Variants in GPN2 observed in about 807,000 individuals in gnomAD.
GPN2 encodes GPN-loop GTPase 2, also known as ATP-binding domain 1 family member B.
Under a neutral mutation model 30.1 loss-of-function variants are expected in GPN2, and 27 were observed. The ratio of observed to expected loss-of-function variants is 0.90; its 90% confidence interval spans 0.66 to 1.24. GPN2 has a LOEUF of 1.24. Ranked by LOEUF, GPN2 falls within the 50% of genes most tolerant of loss-of-function variation. The pLI is 0.00. For synonymous variants in GPN2, 212 were observed against 174.4 expected, an observed-to-expected ratio of 1.22 and a Z score of -1.70; for missense variants, 406 against 405.4, an observed-to-expected ratio of 1.00 and a Z score of -0.01.
In GPN2 at chr1:26,890,073, C is replaced by A; in HGVS notation, c.24G>T (p.Thr8=). 6.4e-7 allele frequency: 1 copy of A among 1,559,712 alleles called. No individual in the cohort carries two copies. Among genetic ancestry groups the A allele is most frequent in the Non-Finnish European group, 8.6e-7 (1 of 1,158,066 alleles). Residue 8 remains threonine, a synonymous_variant, in exon 1 of 5, where the codon ACG becomes ACT. Transcript: ENST00000374135. ...GGCCGATCACCGCCTGCCCGAAGGC[C>A]GTGGTCGGAGCGGCCCCTGCCATTG... MAGAAPT[T]AFGQAVIGPP... is the part of the protein sequence containing the mutation.
intron 3 of GPN2, among the ~76,000 whole-genome samples, chr1:26,885,515 G>A (rs1424505025): frequency 1.3e-5 from 2 of 151,338 alleles, no homozygotes; most frequent in Admixed American, 1.3e-4. Flanking sequence ...TGCCCCTACA[G>A]CAGCCCCTGG....
At chr1:26,884,797 C>T (rs941855064) in intron 3 of GPN2, among the ~76,000 whole-genome samples, 2 of 152,180 alleles carry the variant, frequency 1.3e-5, no homozygotes, top group Non-Finnish European at 2.9e-5. Context: ...GCCTGGCCAA[C>T]ATGGTGAAAC....
intron 4 of GPN2, among the ~76,000 whole-genome samples, 165 bp from the exon 5 acceptor site, chr1:26,879,914 C>T (rs1392891984): frequency 6.6e-6 from 1 of 152,208 alleles, no homozygotes; most frequent in African/African-American, 2.4e-5. Context: ...AACACCCAGA[C>T]TCAAATGCTC....
Position 26,884,203 on chromosome 1 carries a change from C to G in GPN2, c.817G>C (p.Ala273Pro). The G allele has an allele frequency of 6.2e-7, 1 of 1,614,032 alleles. No homozygotes were observed. Among genetic ancestry groups the G allele is most frequent in the Non-Finnish European group, 8.5e-7 (1 of 1,179,984 alleles). ...GCTCCCATTGCGGCAGACATCATGG[C>G]TTCCAAGCTTCGCTGCTCTTGGGCT... is the stretch of plus-strand genomic sequence containing the variant. ...FRAQEQRSLEAMMSAAMGADF... is the reference protein window; with the variant it reads ...FRAQEQRSLEPMMSAAMGADF... Residue 273 changes from alanine to proline, a missense_variant, in exon 4 of 5, where the codon GCC becomes CCC. Transcript: ENST00000374135.
In GPN2 at chr1:26,877,068, T is replaced by A. The variant is rs537878931; in HGVS notation, c.*2609A>T. 1 of 152,242 alleles carries A rather than the reference T, an allele frequency of 6.6e-6. No individual in the cohort carries two copies. The highest frequency in any genetic ancestry group is 1.5e-5 in the Non-Finnish European group (1 of 68,058). The allele number at this position is 152,242 out of a possible 1,614,324, so 9.4% of individuals were successfully genotyped here. A position where few individuals can be genotyped will look rare whatever the true frequency, so the allele number is the denominator to read the frequency against. ...CCAGTAGCCTGGGCGTCAGGATTCC[T>A]GGGCTCTAGGCCCCACAGGTGATTC... On this transcript the variant is annotated 3_prime_UTR_variant, in exon 5 of 5. Coordinates refer to ENST00000374135, the MANE Select transcript of GPN2 (RefSeq NM_018066.4).
At chr1:26,886,405 C>G (rs1279206748) in intron 2 of GPN2, 7 of 514,202 alleles carry the variant, frequency 1.4e-5, no homozygotes, top group Non-Finnish European at 2.6e-5. Flanking sequence ...TGATCAATAA[C>G]TGCAAACAGG....
At chr1:26,883,415 A>G (rs905003527) in intron 4 of GPN2, among the ~76,000 whole-genome samples, 6 of 152,146 alleles carry the variant, frequency 3.9e-5, no homozygotes, top group Admixed American at 1.3e-4. Context: ...TGTCCTCAGT[A>G]CAACCAACTC....
intron 2 of GPN2, among the ~76,000 whole-genome samples, chr1:26,887,919 C>T (rs1421322281): frequency 2.0e-5 from 3 of 149,808 alleles, no homozygotes; most frequent in Admixed American, 1.3e-4. Flanking sequence ...AGTGCAATGG[C>T]GAGATCTCGG....
chr1:26,880,121 T>C (rs17162324), intron 4 of GPN2, among the ~76,000 whole-genome samples: 3,300 of 152,284 alleles, frequency 0.022, 130 homozygotes, highest in African/African-American at 0.074. Flanking sequence ...ATGGCTGTTG[T>C]ACTACCAGAT....
At position 26,876,532 on chromosome 1, in the gene GPN2, C is replaced by G. The variant is rs553202670; in HGVS notation, c.*3145G>C. Reference sequence around the variant, plus strand: ...CGTGCTCGGCCTTCTCTTTCATTTTCTAAGTTTTTTACTTTCCTATATTTA... The same window carrying G: ...CGTGCTCGGCCTTCTCTTTCATTTTGTAAGTTTTTTACTTTCCTATATTTA... On this transcript the variant is annotated 3_prime_UTR_variant, in exon 5 of 5. Transcript: ENST00000374135. 2.0e-5 allele frequency: 3 copies of G among 152,250 alleles called. No individual in the cohort carries two copies. The highest frequency in any genetic ancestry group is 7.2e-5 in the African/African-American group (3 of 41,554). The allele number at this position is 152,250 out of a possible 1,614,324, so 9.4% of individuals were successfully genotyped here. A position where few individuals can be genotyped will look rare whatever the true frequency, so the allele number is the denominator to read the frequency against.
At chr1:26,888,246 A>C (rs1421010134) in intron 2 of GPN2, among the ~76,000 whole-genome samples, 1 of 151,656 alleles carries the variant, frequency 6.6e-6, no homozygotes, top group Non-Finnish European at 1.5e-5. Context: ...TTCTACCTCA[A>C]TCTTCCCTAT....
At chr1:26,880,827 A>ATATAC (rs71007900) in intron 4 of GPN2, among the ~76,000 whole-genome samples, 20,446 of 152,186 alleles carry the variant, frequency 0.13, 1,469 homozygotes, top group Non-Finnish European at 0.16. Flanking sequence ...ATGCCTTTGC[A>ATATAC]TGTTCTCTTA....
rs780219763 is a variant in GPN2 at position 26,886,122 on chromosome 1, C to A, written c.580G>T (p.Asp194Tyr). ...AGGTCCAGAACCTCTGTGTAGTAGT[C>A]CAGGTTGAAGGCTAAAGAGAGAAAC... The part of the protein sequence containing the change: ...EHYGKLAFNL[D>Y]YYTEVLDLSY... The change falls in exon 3 of 5, where the codon GAC becomes TAC. Residue 194 changes from aspartate to tyrosine, a missense_variant. Physicochemically the swap from Asp to Tyr is radical, Grantham distance 160 (BLOSUM62 -3). Coordinates refer to ENST00000374135, the MANE Select transcript of GPN2 (RefSeq NM_018066.4). 1.1e-5 allele frequency: 18 copies of A among 1,613,220 alleles called. No individual in the cohort carries two copies. Among genetic ancestry groups the A allele is most frequent in the Non-Finnish European group, 1.3e-5 (15 of 1,179,422 alleles).
chr1:26,883,258 G>A (rs543270279), intron 4 of GPN2, among the ~76,000 whole-genome samples: 2 of 152,238 alleles, frequency 1.3e-5, no homozygotes, highest in East Asian at 3.9e-4. Flanking sequence ...CCCCTCCCTC[G>A]GCAGCCCTGC....
At position 26,886,049 on chromosome 1, in the gene GPN2, T is replaced by C. The variant is rs1570693336; in HGVS notation, c.653A>G (p.Tyr218Cys). ...HLASDPFFRH[Y>C]RQLNEKLVQL... ...CACTAGCTTCTCATTGAGCTGGCGG[T>C]AGTGGCGGAAGAAAGGGTCAGAAGC... Residue 218 changes from tyrosine to cysteine, a missense_variant, in exon 3 of 5, where the codon TAC (tyrosine) becomes TGC (cysteine). By Grantham distance (194) the Tyr-to-Cys change is radical. Coordinates refer to ENST00000374135, the MANE Select transcript of GPN2 (RefSeq NM_018066.4). 1 of 1,613,222 alleles carries C rather than the reference T, an allele frequency of 6.2e-7. No individual in the cohort carries two copies. The highest frequency in any genetic ancestry group is 8.5e-7 in the Non-Finnish European group (1 of 1,179,320).
chr1:26,887,270 T>A (rs920392062), intron 2 of GPN2, among the ~76,000 whole-genome samples: 5 of 152,172 alleles, frequency 3.3e-5, no homozygotes, highest in African/African-American at 9.7e-5. Context: ...GTTTTATAAA[T>A]CATTTCTCAC....
chr1:26,881,650 T>C (rs2081865102), intron 4 of GPN2, among the ~76,000 whole-genome samples: 1 of 152,224 alleles, frequency 6.6e-6, no homozygotes, highest in African/African-American at 2.4e-5. Context: ...GGAGGATCAC[T>C]TGAGCCCAGG....
rs1329615187 is a variant in GPN2, at chr1:26,878,261, ATAAT to A, written c.*1412_*1415del. On this transcript the variant is annotated 3_prime_UTR_variant, in exon 5 of 5. Transcript: ENST00000374135. ...ACTCTCATAGGAACTGCCATATTAT[ATAAT>A]TAATATTTTTCTTTACACAACTTAC... is the stretch of plus-strand genomic sequence containing the variant. The A allele has an allele frequency of 2.0e-5, 3 of 152,086 alleles. No individual in the cohort carries two copies. The highest frequency in any genetic ancestry group is 1.9e-4 in the East Asian group (1 of 5,196). 9.4% of individuals were successfully genotyped at this position (152,086 alleles called of 1,614,324 possible).
At chr1:26,888,839 G>A (rs998642093) in intron 2 of GPN2, 130 bp downstream of exon 2, 2 of 842,192 alleles carry the variant, frequency 2.4e-6, no homozygotes, top group Admixed American at 2.0e-5. Context: ...ATGGGCAGGA[G>A]TTAGAACCTG....
Sources: allele counts gnomAD v4.1 joint callset (sites outside exome capture counted in the v4.1 genomes callset), GRCh38; gene constraint gnomAD v4.1.1; transcripts MANE v1.5; gene names NCBI Gene and HGNC (gene_info 2026-07-23, HGNC 2026-07-21).